The following BRINP2 variants were observed in gnomAD, a reference collection of about 807,000 sequenced individuals.
BRINP2 encodes BMP/retinoic acid inducible neural specific 2.
BRINP2 carries 21 observed loss-of-function variants against 69.2 expected under a neutral mutation model. The observed-to-expected ratio is 0.30, with a 90% CI of 0.22 to 0.44. The LOEUF is 0.44. Ranked by LOEUF, BRINP2 falls within the 20% of genes least tolerant of loss-of-function variation. The pLI is 1.00. For missense variants in BRINP2, 877 were observed against 986.0 expected, an observed-to-expected ratio of 0.89 and a Z score of 1.48; for synonymous variants, 380 against 394.1, an observed-to-expected ratio of 0.96 and a Z score of 0.42.
At chr1:177,242,426 C>T (rs969070702) in intron 2 of BRINP2, among the ~76,000 whole-genome samples, 5 of 152,162 alleles carry the variant, frequency 3.3e-5, no homozygotes, top group South Asian at 2.1e-4. Flanking sequence ...GTTCCAGTCC[C>T]GATGAACACC....
chr1:177,249,657 T>C (rs1650518265), intron 2 of BRINP2, among the ~76,000 whole-genome samples: 1 of 152,226 alleles, frequency 6.6e-6, no homozygotes, highest in Non-Finnish European at 1.5e-5. Context: ...AATTGATATA[T>C]AGAAAACATC....
At chr1:177,205,165 T>C (rs1449254313) in intron 1 of BRINP2, among the ~76,000 whole-genome samples, 3 of 152,176 alleles carry the variant, frequency 2.0e-5, no homozygotes, top group Non-Finnish European at 4.4e-5. Context: ...TTTTTTGAGA[T>C]GGAGTTTCAC....
At chr1:177,198,253 G>T (rs1030052409) in intron 1 of BRINP2, among the ~76,000 whole-genome samples, 1 of 152,190 alleles carries the variant, frequency 6.6e-6, no homozygotes, top group African/African-American at 2.4e-5. Flanking sequence ...GAGTATGGAT[G>T]GAGAAAGTTG....
chr1:177,258,555 G>GTGGTTT (rs1317310617), intron 4 of BRINP2, among the ~76,000 whole-genome samples: 18 of 152,174 alleles, frequency 1.2e-4, no homozygotes, highest in Non-Finnish European at 2.2e-4. Flanking sequence ...TGCAGATACT[G>GTGGTTT]TGGTTTTGTT....
intron 1 of BRINP2, among the ~76,000 whole-genome samples, chr1:177,180,181 T>C (rs1648204456): frequency 6.6e-6 from 1 of 152,226 alleles, no homozygotes; most frequent in Admixed American, 6.5e-5. Flanking sequence ...GTAAGTGTCA[T>C]TCCTGTTTTG....
At chr1:177,213,381 A>G (rs1649283129) in intron 1 of BRINP2, among the ~76,000 whole-genome samples, 1 of 152,126 alleles carries the variant, frequency 6.6e-6, no homozygotes, top group Admixed American at 6.5e-5. Context: ...GCGTCTCTAG[A>G]TATTGCTAAA....
chr1:177,209,832 C>G (rs574027176), intron 1 of BRINP2, among the ~76,000 whole-genome samples: 1 of 151,998 alleles, frequency 6.6e-6, no homozygotes, highest in Admixed American at 6.6e-5. Context: ...AGAAAAAGAG[C>G]TTTTATGATT....
chr1:177,261,508 T>A (rs1254768275), intron 4 of BRINP2, among the ~76,000 whole-genome samples: 1 of 152,140 alleles, frequency 6.6e-6, no homozygotes, highest in East Asian at 1.9e-4. Flanking sequence ...AGGACAACAC[T>A]GGGAGGAGGT....
chr1:177,264,027 C>T (rs1651045585), intron 4 of BRINP2, among the ~76,000 whole-genome samples: 1 of 152,134 alleles, frequency 6.6e-6, no homozygotes, highest in South Asian at 2.1e-4. Flanking sequence ...CTAGAAATCA[C>T]TGTGGCATGG....
chr1:177,220,310 T>A (rs1445797976), intron 1 of BRINP2, among the ~76,000 whole-genome samples: 2 of 152,098 alleles, frequency 1.3e-5, no homozygotes, highest in African/African-American at 2.4e-5. Flanking sequence ...GTAGGTAGGG[T>A]GTGGTGGGAG....
Position 177,257,160 on chromosome 1 carries a change from G to A in BRINP2, c.461-16G>A, listed in dbSNP as rs375875446. On this transcript the variant is annotated splice_polypyrimidine_tract_variant and intron_variant, in intron 3 of 7. Coordinates refer to ENST00000361539, the MANE Select transcript of BRINP2 (RefSeq NM_021165.4). ...AGCAGAGAGCGTCACCAATACACTCGTGTTGTTCACCATAGGAGAAGAGTC... is the reference window on the plus strand; with the variant it reads ...AGCAGAGAGCGTCACCAATACACTCATGTTGTTCACCATAGGAGAAGAGTC... 42 of 1,613,422 alleles carry A rather than the reference G, an allele frequency of 2.6e-5. No individual in the cohort carries two copies. Among genetic ancestry groups the A allele is most frequent in the East Asian group, 6.7e-5 (3 of 44,854 alleles).
chr1:177,262,187 G>A (rs1650975226), intron 4 of BRINP2, among the ~76,000 whole-genome samples: 1 of 152,148 alleles, frequency 6.6e-6, no homozygotes, highest in Non-Finnish European at 1.5e-5. Flanking sequence ...TTTTAAGATG[G>A]GAGCTGTTCC....
chr1:177,230,641 C>T (rs1649839190), intron 2 of BRINP2, among the ~76,000 whole-genome samples: 2 of 152,242 alleles, frequency 1.3e-5, no homozygotes, highest in South Asian at 4.1e-4. Context: ...CTTGTCAACA[C>T]CCCAGGCTCC....
chr1:177,265,900 C>T (rs565598700), intron 4 of BRINP2, among the ~76,000 whole-genome samples: 3 of 152,032 alleles, frequency 2.0e-5, no homozygotes, highest in South Asian at 2.1e-4. Context: ...GTGAGCGGAT[C>T]ACAAGGTCAG....
intron 3 of BRINP2, chr1:177,256,919 TAGA>T: frequency 3.0e-6 from 4 of 1,312,714 alleles, no homozygotes; most frequent in Non-Finnish European, 3.9e-6. Context: ...CAGAGTTCAA[TAGA>T]AGATGTTAAA....
intron 1 of BRINP2, among the ~76,000 whole-genome samples, chr1:177,219,824 G>A (rs1571905850): frequency 6.6e-6 from 1 of 152,208 alleles, no homozygotes; most frequent in Non-Finnish European, 1.5e-5. Flanking sequence ...TCTGTGATTG[G>A]CTTGGGTTTA....
intron 1 of BRINP2, among the ~76,000 whole-genome samples, chr1:177,175,110 G>A (rs191277227): frequency 2.4e-3 from 369 of 152,300 alleles, no homozygotes; most frequent in Non-Finnish European, 3.9e-3. Flanking sequence ...TCCTCCTGGG[G>A]TTTTCTTAGA....
chr1:177,280,715 G>A lies in BRINP2; in HGVS notation c.1539G>A (p.Glu513=), dbSNP rs142883063. Residue 513 remains glutamate (E), a synonymous_variant, in exon 8 of 8, where the codon GAG becomes GAA. Coordinates refer to ENST00000361539, the MANE Select transcript of BRINP2 (RefSeq NM_021165.4). The part of the protein sequence containing the change: ...LGLETDLQDL[E]LKYLLQKQDS... ...TGGAGACAGACTTGCAGGACCTGGA[G>A]CTAAAGTACCTGCTGCAGAAGCAGG... is the stretch of plus-strand genomic sequence containing the variant. 1 of 1,614,232 alleles carries A rather than the reference G, an allele frequency of 6.2e-7. No homozygotes were observed. The highest frequency in any genetic ancestry group is 2.2e-5 in the East Asian group (1 of 44,880).
chr1:177,207,612 G>A (rs1649104511), intron 1 of BRINP2, among the ~76,000 whole-genome samples: 1 of 152,148 alleles, frequency 6.6e-6, no homozygotes, highest in Non-Finnish European at 1.5e-5. Flanking sequence ...CTAAACCTCA[G>A]AATCTGGATT....
Sources: allele counts gnomAD v4.1 joint callset (sites outside exome capture counted in the v4.1 genomes callset), GRCh38; gene constraint gnomAD v4.1.1; transcripts MANE v1.5; gene names NCBI Gene and HGNC (gene_info 2026-07-23, HGNC 2026-07-21).